Variants in PEMT observed in about 807,000 individuals in gnomAD.
PEMT encodes phospholipid methyltransferase.
A neutral mutation model predicts 27.4 loss-of-function variants in PEMT; 23 were observed. The observed-to-expected ratio is 0.84, with a 90% CI of 0.60 to 1.19. The LOEUF (loss-of-function observed/expected upper bound fraction) is 1.19. Among genes scored for constraint, PEMT ranks in the 50% most tolerant of loss-of-function variants. PEMT has a pLI of 0.00. For synonymous variants in PEMT, 137 were observed against 139.1 expected (o/e 0.98, Z 0.11); for missense variants, 307 against 310.1 (o/e 0.99, Z 0.07).
At chr17:17,511,349 GC>G (rs1392657157) in intron 4 of PEMT, among the ~76,000 whole-genome samples, 1 of 152,200 alleles carries the variant, frequency 6.6e-6, no homozygotes, top group Admixed American at 6.5e-5. Context: ...GCCTGTGGGT[GC>G]CCCCCACAGT....
intron 2 of PEMT, among the ~76,000 whole-genome samples, chr17:17,555,671 T>C (rs1909999929): frequency 6.6e-6 from 1 of 152,158 alleles, no homozygotes; most frequent in South Asian, 2.1e-4. Context: ...TTTGGTCACA[T>C]CGGCTCTGAC....
At chr17:17,567,522 T>C (rs1450853771) in intron 2 of PEMT, among the ~76,000 whole-genome samples, 1 of 152,264 alleles carries the variant, frequency 6.6e-6, no homozygotes, top group Non-Finnish European at 1.5e-5. Context: ...CCCACACTCA[T>C]GTGCCGTGGA....
Position 17,561,486 on chromosome 17 carries a change from G to A in PEMT, c.204+15434C>T, listed in dbSNP as rs1167665859. Among the ~76,000 whole-genome samples, 1 of 152,222 alleles carries A rather than the reference G, an allele frequency of 6.6e-6. No homozygotes were observed. Among genetic ancestry groups the A allele is most frequent in the Non-Finnish European group, 1.5e-5 (1 of 68,036 alleles). On this transcript the variant is annotated intron_variant, in intron 2 of 6. Coordinates refer to ENST00000255389, the MANE Select transcript of PEMT (RefSeq NM_148172.3). This position sits in a 1 kb window ranked among gnomAD's most constrained non-coding sequence, Gnocchi z 4.5. ...GTTCCACAACAGATGCCCTGGGGTG[G>A]CTGCCCGAGGGGGAAGCGGACGGTA...
rs184934563 is a variant in PEMT, at chr17:17,580,507, C to T, written c.97-3480G>A. Among the ~76,000 whole-genome samples the T allele has an allele frequency of 1.5e-3, 221 of 152,234 alleles. 1 individual carries two copies. Among genetic ancestry groups the T allele is most frequent in the Middle Eastern group, 6.8e-3 (2 of 294 alleles). On this transcript the variant is annotated intron_variant, in intron 1 of 6. Coordinates refer to ENST00000255389, the MANE Select transcript of PEMT (RefSeq NM_148172.3). ...AAAAACAAAAACAAAAAACACGCAT[C>T]CAATTCCAAGGCCCTGTCCCTTGAC...
chr17:17,562,088 T>G (rs1375607120), intron 2 of PEMT, among the ~76,000 whole-genome samples: 2 of 152,202 alleles, frequency 1.3e-5, no homozygotes, highest in African/African-American at 4.8e-5. Context: ...AGCTCGGGGC[T>G]GTTTTTCCAC....
intron 3 of PEMT, among the ~76,000 whole-genome samples, chr17:17,516,016 C>T (rs1371524367): frequency 3.3e-5 from 5 of 152,214 alleles, no homozygotes; most frequent in Admixed American, 3.3e-4. Context: ...GGGCCACACA[C>T]CAGGCCAGAG....
chr17:17,548,219 C>T (rs938477610), intron 2 of PEMT, among the ~76,000 whole-genome samples: 1 of 152,264 alleles, frequency 6.6e-6, no homozygotes, highest in Non-Finnish European at 1.5e-5. Flanking sequence ...GCACACAGCC[C>T]TGCTGGCGTC....
rs930408415 is a variant in PEMT, at chr17:17,523,703, G to C, written c.205-1308C>G. On this transcript the variant is annotated intron_variant, in intron 2 of 6. Coordinates refer to ENST00000255389, the MANE Select transcript of PEMT (RefSeq NM_148172.3). The surrounding 1 kb of genome is among the most constrained non-coding windows in gnomAD (Gnocchi z 4.8). The stretch of plus-strand genomic sequence containing the variant: ...AATAAGCGCTGCAGGGGTGAGGAGG[G>C]GGCTGCGGTGACCTTGCTGGGAATG... 6.6e-6 allele frequency among the ~76,000 whole-genome samples: 1 copy of C among 152,120 alleles called. No individual in the cohort carries two copies. The highest frequency in any genetic ancestry group is 2.4e-5 in the African/African-American group (1 of 41,414).
At chr17:17,536,255 C>T (rs1261157287) in intron 2 of PEMT, among the ~76,000 whole-genome samples, 1 of 152,230 alleles carries the variant, frequency 6.6e-6, no homozygotes, top group Non-Finnish European at 1.5e-5. Context: ...GCAGGACTTG[C>T]CAAGGACACA....
At chr17:17,527,273 G>A (rs1352890582) in intron 2 of PEMT, among the ~76,000 whole-genome samples, 2 of 152,200 alleles carry the variant, frequency 1.3e-5, no homozygotes, top group African/African-American at 4.8e-5. Flanking sequence ...CCGACCTCAG[G>A]TGATCCGCCC....
intron 1 of PEMT, among the ~76,000 whole-genome samples, chr17:17,589,384 C>T (rs1206022926): frequency 6.6e-6 from 1 of 151,758 alleles, no homozygotes; most frequent in Non-Finnish European, 1.5e-5. Flanking sequence ...TTTGGTATGA[C>T]ATGGCAGCCA....
In PEMT at chr17:17,580,784, T is replaced by A. The variant is rs16961894; in HGVS notation, c.97-3757A>T. On this transcript the variant is annotated intron_variant, in intron 1 of 6. Coordinates refer to ENST00000255389, the MANE Select transcript of PEMT (RefSeq NM_148172.3). Reference sequence around the variant, plus strand: ...ATTACCAATCCTCCCGTGGCCCATCTGTTATTCCGCCTCTTACACAACCAC... The same window carrying A: ...ATTACCAATCCTCCCGTGGCCCATCAGTTATTCCGCCTCTTACACAACCAC... Among the ~76,000 whole-genome samples the A allele has an allele frequency of 8.9e-3, 1,362 of 152,214 alleles. 27 individuals carry two copies. The highest frequency in any genetic ancestry group is 0.03 in the African/African-American group (1,262 of 41,528).
Position 17,506,319 on chromosome 17 carries a change from G to T in PEMT, c.579-18C>A. 1 of 1,551,080 alleles carries T rather than the reference G, an allele frequency of 6.4e-7. No individual in the cohort carries two copies. The highest frequency in any genetic ancestry group is 8.7e-7 in the Non-Finnish European group (1 of 1,144,760). On this transcript the variant is annotated intron_variant, in intron 5 of 6. Transcript: ENST00000255389. Reference sequence around the variant, plus strand: ...TGGCGTGCCTGAAAGGACAGAGGCAGGTCAGGCCTGGCTGGAGCCAGGGTC... The same window carrying T: ...TGGCGTGCCTGAAAGGACAGAGGCATGTCAGGCCTGGCTGGAGCCAGGGTC...
chr17:17,533,869 T>C (rs920930500), intron 2 of PEMT, among the ~76,000 whole-genome samples: 6 of 152,150 alleles, frequency 3.9e-5, no homozygotes, highest in Admixed American at 2.6e-4. Flanking sequence ...TAGCTGGGAT[T>C]ACAGGTGCAT....
chr17:17,579,953 G>A (rs958051986), intron 1 of PEMT, among the ~76,000 whole-genome samples: 1 of 152,204 alleles, frequency 6.6e-6, no homozygotes, highest in Non-Finnish European at 1.5e-5. Flanking sequence ...CAGCCAACAA[G>A]GCCTGGCGCT....
intron 2 of PEMT, among the ~76,000 whole-genome samples, chr17:17,560,569 C>T (rs1250496696): frequency 1.3e-5 from 2 of 152,162 alleles, no homozygotes; most frequent in African/African-American, 4.8e-5. Flanking sequence ...ACACCGGCCC[C>T]GGGGAGGGGT....
intron 2 of PEMT, among the ~76,000 whole-genome samples, chr17:17,574,822 A>G (rs1911469568): frequency 6.6e-6 from 1 of 152,136 alleles, no homozygotes; most frequent in African/African-American, 2.4e-5. Flanking sequence ...ATGTACCTCA[A>G]TGACTGCTGG....
rs895115974 is a variant in PEMT at position 17,512,023 on chromosome 17, C to T, written c.466+486G>A. ...CCCCTCACCCCTCCCCAGACCTACA[C>T]CAGCCCTGCCTGCGGCCAAACACGG... On this transcript the variant is annotated intron_variant, in intron 4 of 6. Coordinates refer to ENST00000255389, the MANE Select transcript of PEMT (RefSeq NM_148172.3). The surrounding 1 kb of genome is among the most constrained non-coding windows in gnomAD (Gnocchi z 6.3). Among the ~76,000 whole-genome samples the T allele has an allele frequency of 1.3e-5, 2 of 152,210 alleles. No homozygotes were observed. Among genetic ancestry groups the T allele is most frequent in the Non-Finnish European group, 2.9e-5 (2 of 68,042 alleles).
rs58495649 is a variant in PEMT, at chr17:17,589,291, TA to T, written c.96+2239del. On this transcript the variant is annotated intron_variant, in intron 1 of 6. Coordinates refer to ENST00000255389, the MANE Select transcript of PEMT (RefSeq NM_148172.3). ...CAGCTGATTTTTTTTTTTTTTTTTT[TA>T]AAAACAAAAGCAAGATTCTGTACCT... Among the ~76,000 whole-genome samples, 945 of 141,518 alleles carry T rather than the reference TA, an allele frequency of 6.7e-3. 12 individuals are homozygous for T. The highest frequency in any genetic ancestry group is 0.022 in the African/African-American group (835 of 37,492). The allele number at this position is 141,518 out of a possible 152,430, so 92.8% of individuals were successfully genotyped here.
Sources: gnomAD v4.1 joint callset for allele counts (sites outside exome capture counted in the v4.1 genomes callset) on GRCh38, gnomAD v4.1.1 for gene constraint, Gnocchi (gnomAD v3.1) non-coding constraint, MANE v1.5 for transcripts, NCBI Gene and HGNC (gene_info 2026-07-23, HGNC 2026-07-21) for gene names.